RAB38: variants seen among roughly 807,000 people sequenced by gnomAD.
RAB38 encodes the protein RAB38, member RAS oncogene family, also known as ras-related protein Rab-38.
RAB38 carries 15 observed loss-of-function variants against 18.4 expected under a neutral mutation model. The observed-to-expected ratio is 0.82, with a 90% CI of 0.55 to 1.26. RAB38 has a LOEUF of 1.26. Ranked by LOEUF, RAB38 falls within the 50% of genes most tolerant of loss-of-function variation. The pLI is 0.00. For synonymous variants in RAB38, 101 were observed against 104.4 expected, an observed-to-expected ratio of 0.97 and a Z score of 0.20; for missense variants, 294 against 267.4, an observed-to-expected ratio of 1.10 and a Z score of -0.69.
At chr11:87,932,531 T>C in the RAB38 span, among the ~76,000 whole-genome samples, 1 of 152,014 alleles carries the variant, frequency 6.6e-6, no homozygotes, top group Non-Finnish European at 1.5e-5. Context: ...TCACCAAATC[T>C]CTTCTGAACT....
chr11:87,900,931 CT>C, the RAB38 span, among the ~76,000 whole-genome samples: 1 of 151,602 alleles, frequency 6.6e-6, no homozygotes. Context: ...ATGTTTTACT[CT>C]TGTTTTTTAA....
chr11:87,919,796 T>C, the RAB38 span, among the ~76,000 whole-genome samples: 6 of 152,182 alleles, frequency 3.9e-5, no homozygotes, highest in East Asian at 1.2e-3. Context: ...TATTGGTCTG[T>C]TCAGATTTTC....
At chr11:87,805,625 A>G in the RAB38 span, among the ~76,000 whole-genome samples, 925 of 138,306 alleles carry the variant, frequency 6.7e-3, 7 homozygotes, top group African/African-American at 0.026. Context: ...ACACACACGC[A>G]CACACACACA....
chr11:87,816,410 T>C, the RAB38 span: 2 of 152,416 alleles, frequency 1.3e-5, no homozygotes, highest in Middle Eastern at 6.8e-3. Flanking sequence ...GGTATAATGG[T>C]TGATTGGCTA....
chr11:87,909,947 C>T, the RAB38 span, among the ~76,000 whole-genome samples: 5 of 151,920 alleles, frequency 3.3e-5, no homozygotes, highest in Non-Finnish European at 5.9e-5. Context: ...CTAATTTATA[C>T]GGTAGGTACA....
At chr11:87,948,599 G>T in the RAB38 span, among the ~76,000 whole-genome samples, 1 of 152,004 alleles carries the variant, frequency 6.6e-6, no homozygotes, top group Non-Finnish European at 1.5e-5. Flanking sequence ...AGAGTTTTTA[G>T]CATGAAGGGT....
At chr11:87,954,183 T>A in the RAB38 span, among the ~76,000 whole-genome samples, 1 of 151,978 alleles carries the variant, frequency 6.6e-6, no homozygotes, top group Non-Finnish European at 1.5e-5. Flanking sequence ...CATTGATGAT[T>A]GCTAAATATT....
intron 1 of RAB38, among the ~76,000 whole-genome samples, chr11:88,159,638 C>T (rs1335157097): frequency 2.0e-5 from 3 of 151,908 alleles, no homozygotes; most frequent in Middle Eastern, 3.2e-3. Flanking sequence ...GACACATAGA[C>T]CAATGAAACA....
the RAB38 span, among the ~76,000 whole-genome samples, chr11:87,941,162 T>C: frequency 2.8e-5 from 4 of 144,240 alleles, no homozygotes; most frequent in Admixed American, 2.9e-4. Flanking sequence ...ACCAACACTC[T>C]TTATCGTATG....
At chr11:87,921,411 A>G in the RAB38 span, among the ~76,000 whole-genome samples, 1 of 151,706 alleles carries the variant, frequency 6.6e-6, no homozygotes, top group Non-Finnish European at 1.5e-5. Context: ...GGCTTATATG[A>G]GTGTTCTGAG....
the RAB38 span, among the ~76,000 whole-genome samples, chr11:87,955,347 T>C: frequency 6.6e-6 from 1 of 152,132 alleles, no homozygotes; most frequent in African/African-American, 2.4e-5. Flanking sequence ...AAGTCAACAA[T>C]GGACACTGGA....
intron 1 of RAB38, among the ~76,000 whole-genome samples, chr11:88,159,372 T>C (rs923880561): frequency 1.3e-5 from 2 of 151,162 alleles, no homozygotes; most frequent in Non-Finnish European, 1.5e-5. Flanking sequence ...AGCTCATAGG[T>C]TGGAAGAGTC....
chr11:88,106,880 C>T, the RAB38 span, among the ~76,000 whole-genome samples: 1 of 152,080 alleles, frequency 6.6e-6, no homozygotes, highest in African/African-American at 2.4e-5. Context: ...AGAAACAGCT[C>T]AGATGCAGCC....
In RAB38 at chr11:88,173,663, C is replaced by T. The variant is rs897842226; in HGVS notation, c.202+1520G>A. 10 of 985,184 alleles carry T rather than the reference C, an allele frequency of 1.0e-5. No individual in the cohort carries two copies. In the African/African-American group the frequency reaches 1.7e-4, roughly 17 times the overall value. 61.0% of individuals were successfully genotyped at this position (985,184 alleles called of 1,614,324 possible). A position where few individuals can be genotyped will look rare whatever the true frequency, so the allele number is the denominator to read the frequency against. On this transcript the variant is annotated intron_variant, in intron 1 of 2. Coordinates refer to ENST00000243662, the MANE Select transcript of RAB38 (RefSeq NM_022337.3). Reference sequence around the variant, plus strand: ...CTGAATCCTGAGGACTTTCGAGCAGCCAGAAGGGTTTTCAGACATTATGAC... The same window carrying T: ...CTGAATCCTGAGGACTTTCGAGCAGTCAGAAGGGTTTTCAGACATTATGAC...
the RAB38 span, among the ~76,000 whole-genome samples, chr11:88,016,841 C>A: frequency 6.6e-6 from 1 of 151,960 alleles, no homozygotes; most frequent in Non-Finnish European, 1.5e-5. Flanking sequence ...TCTTTATTTG[C>A]AAAATTTATT....
intron 2 of RAB38, among the ~76,000 whole-genome samples, chr11:88,139,904 T>A (rs1942885118): frequency 6.6e-6 from 1 of 152,210 alleles, no homozygotes; most frequent in Non-Finnish European, 1.5e-5. Flanking sequence ...GTTTCTTTCT[T>A]AGTAAAAAAG....
chr11:87,963,943 A>T, the RAB38 span, among the ~76,000 whole-genome samples: 1 of 152,100 alleles, frequency 6.6e-6, no homozygotes, highest in African/African-American at 2.4e-5. Flanking sequence ...ACCGCTCACT[A>T]AAGGTGATCT....
chr11:88,155,891 T>A (rs963020473), intron 1 of RAB38, among the ~76,000 whole-genome samples: 3 of 152,242 alleles, frequency 2.0e-5, no homozygotes, highest in Non-Finnish European at 4.4e-5. Context: ...ATTGAAAGCT[T>A]TCTCAACAAA....
downstream of RAB38, among the ~76,000 whole-genome samples, chr11:88,112,792 A>AT (rs1484714150): frequency 2.7e-5 from 3 of 112,910 alleles, no homozygotes. Context: ...AACAACAACA[A>AT]AATATATATA....
Sources: gnomAD v4.1 joint callset for allele counts (sites outside exome capture counted in the v4.1 genomes callset) on GRCh38, gnomAD v4.1.1 for gene constraint, MANE v1.5 for transcripts, NCBI Gene and HGNC (gene_info 2026-07-23, HGNC 2026-07-21) for gene names.